The following NTN4 variants were observed in gnomAD, a reference collection of about 807,000 sequenced individuals.
The protein encoded by NTN4 is netrin-4.
In NTN4, 32 loss-of-function variants were observed where a neutral mutation model predicts 73.6. That is an observed-to-expected ratio of 0.44 (90% CI 0.33 to 0.58). The LOEUF (loss-of-function observed/expected upper bound fraction) is 0.58. Ranked by LOEUF, NTN4 falls within the 20% of genes least tolerant of loss-of-function variation. The pLI is 0.04. For synonymous variants in NTN4, 258 were observed against 287.5 expected, an observed-to-expected ratio of 0.90 and a Z score of 1.04; for missense variants, 654 against 798.3, an observed-to-expected ratio of 0.82 and a Z score of 2.18.
intron 2 of NTN4, among the ~76,000 whole-genome samples, chr12:95,764,874 G>A (rs1317944052): frequency 6.6e-6 from 1 of 152,094 alleles, no homozygotes; most frequent in African/African-American, 2.4e-5. Flanking sequence ...GACCTTAAGA[G>A]AGATTTTTTT....
At chr12:95,753,652 G>A (rs370422494) in intron 2 of NTN4, among the ~76,000 whole-genome samples, 244 of 151,206 alleles carry the variant, frequency 1.6e-3, no homozygotes, top group African/African-American at 5.4e-3. Context: ...ACGGTCCTCC[G>A]TCTTCAAGAA....
chr12:95,679,374 T>C (rs1443895017), intron 7 of NTN4, among the ~76,000 whole-genome samples: 1 of 152,130 alleles, frequency 6.6e-6, no homozygotes, highest in Non-Finnish European at 1.5e-5. Flanking sequence ...TATGATAAGG[T>C]AGCATTACAG....
chr12:95,749,849 C>T lies in NTN4; in HGVS notation c.586-11705G>A, dbSNP rs1373880128. Among the ~76,000 whole-genome samples, 14 of 147,834 alleles carry T rather than the reference C, an allele frequency of 9.5e-5. 1 individual carries two copies. Among genetic ancestry groups the T allele is most frequent in the Admixed American group, 3.4e-4 (5 of 14,850 alleles). ...TCAACTCCTTCTCCTTCACCCTTAG[C>T]GGCAAGTCCCGCTTTTCTGGGAGAG... On this transcript the variant is annotated intron_variant, in intron 2 of 9. Coordinates refer to ENST00000343702, the MANE Select transcript of NTN4 (RefSeq NM_021229.4).
intron 2 of NTN4, among the ~76,000 whole-genome samples, chr12:95,757,634 C>T (rs2078955273): frequency 6.7e-6 from 1 of 150,354 alleles, no homozygotes; most frequent in South Asian, 2.1e-4. Flanking sequence ...AAAGGCTGAG[C>T]TTTGGGGGCC....
At chr12:95,761,336 T>C (rs1364190278) in intron 2 of NTN4, among the ~76,000 whole-genome samples, 1 of 146,154 alleles carries the variant, frequency 6.8e-6, no homozygotes, top group Non-Finnish European at 1.5e-5. Flanking sequence ...CTTTTTTTTT[T>C]TTTTCCCCAA....
At chr12:95,681,691 C>A (rs1258557987) in intron 7 of NTN4, among the ~76,000 whole-genome samples, 2 of 152,146 alleles carry the variant, frequency 1.3e-5, no homozygotes, top group African/African-American at 4.8e-5. Context: ...GGATTCATAC[C>A]ACTATCATGG....
Position 95,683,656 on chromosome 12 carries a change from G to A in NTN4, c.1236C>T (p.Phe412=). 6.2e-7 allele frequency: 1 copy of A among 1,613,918 alleles called. No homozygotes were observed. Among genetic ancestry groups the A allele is most frequent in the East Asian group, 2.2e-5 (1 of 44,850 alleles). Residue 412 remains phenylalanine (F), a synonymous_variant, in exon 6 of 10, where the codon TTC becomes TTT. Transcript: ENST00000343702. ...SAVLPANSVT[F]CDPSNGDCPC... ...GGCAGTCACCATTGCTGGGGTCGCA[G>A]AAGGTCACTGAGTTGGCAGGAAGGA...
chr12:95,773,556 C>T (rs1038687408), intron 2 of NTN4, among the ~76,000 whole-genome samples: 6 of 152,074 alleles, frequency 3.9e-5, no homozygotes, highest in African/African-American at 9.7e-5. Context: ...TCAACCTCCT[C>T]GCAGACTGGA....
rs145269131 is a variant in NTN4 at position 95,678,925 on chromosome 12, C to T, written c.1510+3782G>A. 4.7e-4 allele frequency among the ~76,000 whole-genome samples: 71 copies of T among 152,180 alleles called. No homozygotes were observed. In the East Asian group the frequency reaches 0.012, roughly 26 times the overall value. ...TCATTTTAAAAATTCAGGTAAAGAA[C>T]ACTTTCCCAATAGCAATAAAATCTA... On this transcript the variant is annotated intron_variant, in intron 7 of 9. Transcript: ENST00000343702.
intron 2 of NTN4, among the ~76,000 whole-genome samples, chr12:95,753,825 C>T (rs1214742904): frequency 5.2e-4 from 79 of 152,090 alleles, no homozygotes; most frequent in Non-Finnish European, 1.5e-5. Context: ...TATAGACGCT[C>T]CTTTTTATTA....
At chr12:95,659,345 G>A in intron 9 of NTN4, 123 bp from the exon 10 acceptor site, 1 of 665,002 alleles carries the variant, frequency 1.5e-6, no homozygotes, top group Non-Finnish European at 2.4e-6. Context: ...ACCCAGGCTG[G>A]AGTGTAGTGG....
intron 2 of NTN4, among the ~76,000 whole-genome samples, chr12:95,756,341 T>C (rs1592706856): frequency 1.3e-5 from 2 of 152,232 alleles, no homozygotes; most frequent in Non-Finnish European, 2.9e-5. Flanking sequence ...TGCTTCTGCC[T>C]GGCTCGCAAA....
In NTN4 at chr12:95,738,895, T is replaced by C. The variant is rs565942387; in HGVS notation, c.586-751A>G. 5.9e-5 allele frequency among the ~76,000 whole-genome samples: 9 copies of C among 152,280 alleles called. No individual in the cohort carries two copies. In the South Asian group the frequency reaches 1.7e-3, roughly 28 times the overall value. ...CTAGCCAGTAGCCAGAGTGGTTCTC[T>C]ATAAACAGAGATTGGATCGTGTCAC... On this transcript the variant is annotated intron_variant, in intron 2 of 9. Coordinates refer to ENST00000343702, the MANE Select transcript of NTN4 (RefSeq NM_021229.4).
At chr12:95,687,658 C>A (rs1440620270) in intron 5 of NTN4, among the ~76,000 whole-genome samples, 2 of 152,134 alleles carry the variant, frequency 1.3e-5, no homozygotes, top group Non-Finnish European at 2.9e-5. Context: ...GAGTCAGCCT[C>A]CCAAAGTGCT....
chr12:95,717,353 A>T (rs115448133), intron 3 of NTN4, among the ~76,000 whole-genome samples: 1 of 152,324 alleles, frequency 6.6e-6, no homozygotes, highest in African/African-American at 2.4e-5. Context: ...CACATGTATC[A>T]CAAGATAATG....
intron 2 of NTN4, among the ~76,000 whole-genome samples, chr12:95,740,601 G>A (rs1366371871): frequency 6.6e-6 from 1 of 152,032 alleles, no homozygotes; most frequent in Non-Finnish European, 1.5e-5. Flanking sequence ...ATTATGTTTT[G>A]GTGGTTAATA....
chr12:95,784,474 AT>A (rs1274563963), intron 2 of NTN4, among the ~76,000 whole-genome samples: 4 of 152,186 alleles, frequency 2.6e-5, no homozygotes, highest in Admixed American at 2.6e-4. Context: ...CACCATTAAA[AT>A]ATGTCTGCTG....
intron 7 of NTN4, chr12:95,672,290 C>A: frequency 2.6e-6 from 2 of 764,722 alleles, no homozygotes; most frequent in Non-Finnish European, 4.9e-6. Flanking sequence ...GGCACTGCCT[C>A]CCAAGCCCGC....
At chr12:95,747,332 G>A (rs1033420291) in intron 2 of NTN4, among the ~76,000 whole-genome samples, 2 of 151,754 alleles carry the variant, frequency 1.3e-5, no homozygotes, top group Admixed American at 1.3e-4. Context: ...TGTATGTATT[G>A]TTTTCTTTTT....
Sources: gnomAD v4.1 joint callset for allele counts (sites outside exome capture counted in the v4.1 genomes callset) on GRCh38, gnomAD v4.1.1 for gene constraint, MANE v1.5 for transcripts, NCBI Gene and HGNC (gene_info 2026-07-23, HGNC 2026-07-21) for gene names.